Variants in MAEA observed in about 807,000 individuals in gnomAD.
The protein encoded by MAEA is E3 ubiquitin-protein transferase MAEA.
A neutral mutation model predicts 46.2 loss-of-function variants in MAEA; 22 were observed. The ratio of observed to expected loss-of-function variants is 0.48; its 90% CI spans 0.34 to 0.68. MAEA has a LOEUF of 0.68. MAEA is among the 30% of genes least tolerant of loss of function. The probability of loss-of-function intolerance (pLI) is 0.01; values close to 1 mark genes in which losing one functional copy is unlikely to be tolerated. For missense variants in MAEA, 393 were observed against 558.1 expected (o/e 0.70, Z 2.98); for synonymous variants, 246 against 222.6 (o/e 1.11, Z -0.94).
chr4:1,299,412 C>T (rs1735095783), intron 1 of MAEA: 1 of 153,116 alleles, frequency 6.5e-6, no homozygotes, highest in African/African-American at 2.4e-5. Context: ...CCACCTCTGC[C>T]CCTGCGGCTC....
At chr4:1,335,005 A>AC (rs1322436667) in intron 6 of MAEA, 1 of 985,230 alleles carries the variant, frequency 1.0e-6, no homozygotes, top group East Asian at 1.1e-4. Context: ...TCCCCTGATG[A>AC]CCACCTCCCC....
intron 4 of MAEA, 118 bp downstream of exon 4, chr4:1,322,621 TG>T (rs1738273294): frequency 7.2e-7 from 1 of 1,391,586 alleles, no homozygotes; most frequent in Non-Finnish European, 9.7e-7. Context: ...GTTTGTAAGG[TG>T]GGGGTTGGGT....
chr4:1,329,644 C>T (rs1022926803), intron 5 of MAEA: 3 of 985,362 alleles, frequency 3.0e-6, no homozygotes, highest in African/African-American at 3.5e-5. Flanking sequence ...TCAGGGAAGT[C>T]CGGCCTCAGC....
chr4:1,309,639 G>C, intron 1 of MAEA: 1 of 1,530,344 alleles, frequency 6.5e-7, no homozygotes, highest in Non-Finnish European at 8.7e-7. Context: ...TGAGGAGTAA[G>C]CGGCTGGATG....
chr4:1,304,709 G>A (rs1735669320), intron 1 of MAEA, among the ~76,000 whole-genome samples: 1 of 151,614 alleles, frequency 6.6e-6, no homozygotes, highest in African/African-American at 2.4e-5. Context: ...AAAGTGCTGG[G>A]ATTACAGGCA....
At chr4:1,313,139 A>G (rs966717846) in intron 2 of MAEA, among the ~76,000 whole-genome samples, 3 of 152,212 alleles carry the variant, frequency 2.0e-5, no homozygotes, top group Admixed American at 2.0e-4. Flanking sequence ...GAGGACTGGG[A>G]TGATTGGAGA....
At chr4:1,331,873 C>G (rs1313102202) in intron 5 of MAEA, 2 of 152,924 alleles carry the variant, frequency 1.3e-5, no homozygotes, top group African/African-American at 4.8e-5. Flanking sequence ...CAGCCTTAGA[C>G]TGGAGTGGGG....
chr4:1,338,879 C>T (rs1321280896), intron 8 of MAEA, 195 bp from the exon 9 acceptor site: 10 of 656,912 alleles, frequency 1.5e-5, no homozygotes, highest in Admixed American at 1.0e-4. Flanking sequence ...GCCTTAGCTT[C>T]GTTCGAAATG....
chr4:1,313,848 G>C lies in MAEA; in HGVS notation c.253-1549G>C, dbSNP rs1736811509. Reference sequence around the variant, plus strand: ...GCTTGAGCCCAGGAGTTTGAGATCAGCCTGGGCAACATGGCAAAACCCCAT... The same window carrying C: ...GCTTGAGCCCAGGAGTTTGAGATCACCCTGGGCAACATGGCAAAACCCCAT... On this transcript the variant is annotated intron_variant, in intron 2 of 8. Transcript: ENST00000303400. Among the ~76,000 whole-genome samples, 4 of 152,164 alleles carry C rather than the reference G, an allele frequency of 2.6e-5. No individual in the cohort carries two copies. The South Asian group carries it at 8.3e-4, about 32-fold the overall frequency.
At chr4:1,318,560 A>G (rs540524827) in intron 3 of MAEA, among the ~76,000 whole-genome samples, 1 of 152,140 alleles carries the variant, frequency 6.6e-6, no homozygotes, top group African/African-American at 2.4e-5. Flanking sequence ...TGTGGAGCCC[A>G]TGAGGACTGG....
chr4:1,307,596 G>C (rs947339887), intron 1 of MAEA, among the ~76,000 whole-genome samples: 2 of 152,206 alleles, frequency 1.3e-5, no homozygotes, highest in African/African-American at 2.4e-5. Flanking sequence ...ATTTATTGGG[G>C]AACTGGCTTG....
chr4:1,294,649 AGGCCCT>A (rs916631942), intron 1 of MAEA, among the ~76,000 whole-genome samples: 1 of 150,750 alleles, frequency 6.6e-6, no homozygotes, highest in African/African-American at 2.4e-5. Context: ...CTGCACAGTC[AGGCCCT>A]GGGCTAGCAT....
At chr4:1,294,410 A>ATTT (rs147695654) in intron 1 of MAEA, among the ~76,000 whole-genome samples, 1 of 151,934 alleles carries the variant, frequency 6.6e-6, no homozygotes, top group African/African-American at 2.4e-5. Flanking sequence ...TTTAAGTATT[A>ATTT]TTTTTTTAAC....
At chr4:1,310,051 TGTCTAATG>T (rs1736295369) in intron 1 of MAEA, 2 of 1,126,546 alleles carry the variant, frequency 1.8e-6, no homozygotes, top group South Asian at 4.0e-5. Context: ...TGTGCCGCTT[TGTCTAATG>T]GTCTAATGGC....
intron 3 of MAEA, among the ~76,000 whole-genome samples, chr4:1,319,963 G>C (rs1433719083): frequency 7.0e-6 from 1 of 142,982 alleles, no homozygotes; most frequent in Non-Finnish European, 1.5e-5. Context: ...TCAAGAAAAC[G>C]CTATGAAGGG....
rs1385517190 is a variant in MAEA, at chr4:1,338,581, C to G, written c.1059C>G (p.Pro353=). ...ACGTGATGAACGAGAACAATCCGCCCATGATGCTGCCCAACGGCTACGTCT... is the reference window on the plus strand; with the variant it reads ...ACGTGATGAACGAGAACAATCCGCCGATGATGCTGCCCAACGGCTACGTCT... ...SGDVMNENNP[P]MMLPNGYVYG... Residue 353 remains proline, a synonymous_variant, in exon 8 of 9, where the codon CCC becomes CCG. Coordinates refer to ENST00000303400, the MANE Select transcript of MAEA (RefSeq NM_001017405.3). 9 of 1,612,708 alleles carry G rather than the reference C, an allele frequency of 5.6e-6. No homozygotes were observed. Among genetic ancestry groups the G allele is most frequent in the Non-Finnish European group, 7.6e-6 (9 of 1,179,854 alleles).
At chr4:1,335,819 TCA>T (rs1320076637) in intron 6 of MAEA, 134 of 122,050 alleles carry the variant, frequency 1.1e-3, no homozygotes, top group East Asian at 3.7e-3. Flanking sequence ...TGTGTTGAAA[TCA>T]CAGAGTTAAG....
chr4:1,339,228 C>A lies in MAEA; in HGVS notation c.*59C>A. 7.8e-7 allele frequency: 1 copy of A among 1,278,898 alleles called. No individual in the cohort carries two copies. The highest frequency in any genetic ancestry group is 1.1e-6 in the Non-Finnish European group (1 of 875,352). The allele number at this position is 1,278,898 out of a possible 1,614,324, so 79.2% of individuals were successfully genotyped here. A position where few individuals can be genotyped will look rare whatever the true frequency, so the allele number is the denominator to read the frequency against. ...GGCTGCAGTGGGCGGGGAGGCCACG[C>A]CTTCCTCCTGTCCCACGCTCCAGCC... On this transcript the variant is annotated 3_prime_UTR_variant, in exon 9 of 9. Coordinates refer to ENST00000303400, the MANE Select transcript of MAEA (RefSeq NM_001017405.3).
chr4:1,330,126 G>A (rs1021775580), intron 5 of MAEA: 3 of 985,328 alleles, frequency 3.0e-6, no homozygotes, highest in African/African-American at 3.5e-5. Flanking sequence ...AAAAGTATGA[G>A]CTGCTAGTGA....
Sources: gnomAD v4.1 joint callset for allele counts (sites outside exome capture counted in the v4.1 genomes callset) on GRCh38, gnomAD v4.1.1 for gene constraint, MANE v1.5 for transcripts, NCBI Gene and HGNC (gene_info 2026-07-23, HGNC 2026-07-21) for gene names.